The following SYTL1 variants were observed in gnomAD, a reference collection of about 807,000 sequenced individuals.
SYTL1 encodes the protein synaptotagmin like 1, also known as synaptotagmin-like protein 1.
In SYTL1, 53 loss-of-function variants were observed where a neutral mutation model predicts 74.6. That is an observed-to-expected ratio of 0.71 (90% confidence interval 0.57 to 0.89). The LOEUF is 0.89. SYTL1 is among the 40% of genes least tolerant of loss of function. The pLI is 0.00. For missense variants in SYTL1, 728 were observed against 768.7 expected (o/e 0.95, Z 0.63); for synonymous variants, 329 against 324.9 (o/e 1.01, Z -0.14).
intron 2 of SYTL1, among the ~76,000 whole-genome samples, chr1:27,346,651 A>G (rs1194524298): frequency 6.6e-6 from 1 of 152,010 alleles, no homozygotes; most frequent in East Asian, 1.9e-4. Context: ...AGTCCCAGCT[A>G]TTTAGGCAGC....
In SYTL1 at chr1:27,342,647, C is replaced by T. The variant is rs1488011510; in HGVS notation, c.-39+497C>T. 6.6e-6 allele frequency among the ~76,000 whole-genome samples: 1 copy of T among 152,218 alleles called. No homozygotes were observed. The highest frequency in any genetic ancestry group is 2.4e-5 in the African/African-American group (1 of 41,452). On this transcript the variant is annotated intron_variant, in intron 1 of 14. Transcript: ENST00000616558. This position sits in a 1 kb window ranked among gnomAD's most constrained non-coding sequence, Gnocchi z 4.7. The stretch of plus-strand genomic sequence containing the variant: ...CTGTACACACCCCACACGGCGCTGT[C>T]ACCTAGAAAGTCACTGAACACACCA...
chr1:27,351,653 C>A lies in SYTL1; in HGVS notation c.1343+98C>A. Reference sequence around the variant, plus strand: ...ACTAATCAACCTTTGATCACGCAGCCTGGGCTTTCACCACTGAGCAGGGGT... The same window carrying A: ...ACTAATCAACCTTTGATCACGCAGCATGGGCTTTCACCACTGAGCAGGGGT... On this transcript the variant is annotated intron_variant, in intron 13 of 14. Coordinates refer to ENST00000616558, the MANE Select transcript of SYTL1 (RefSeq NM_001193308.2). This position sits in a 1 kb window ranked among gnomAD's most constrained non-coding sequence, Gnocchi z 5.0. 1.2e-6 allele frequency: 1 copy of A among 813,580 alleles called. No individual in the cohort carries two copies. 50.4% of individuals were successfully genotyped at this position (813,580 alleles called of 1,614,324 possible).
rs1571026013 is a variant in SYTL1, at chr1:27,343,446, G to A, written c.-39+1296G>A. ...GGCCTCCGTGGGAGTGGGTGCGGCA[G>A]TTACCTCAGGAGAGGAAGTTGGGGG... On this transcript the variant is annotated intron_variant, in intron 1 of 14. Coordinates refer to ENST00000616558, the MANE Select transcript of SYTL1 (RefSeq NM_001193308.2). The surrounding 1 kb of genome is among the most constrained non-coding windows in gnomAD (Gnocchi z 5.2). 6.6e-6 allele frequency among the ~76,000 whole-genome samples: 1 copy of A among 152,270 alleles called. No individual in the cohort carries two copies. Among genetic ancestry groups the A allele is most frequent in the East Asian group, 1.9e-4 (1 of 5,180 alleles).
Position 27,350,320 on chromosome 1 carries a change from G to A in SYTL1, c.909-69G>A, listed in dbSNP as rs539178179. 1.3e-6 allele frequency: 2 copies of A among 1,524,166 alleles called. No homozygotes were observed. Among genetic ancestry groups the A allele is most frequent in the South Asian group, 2.2e-5 (2 of 89,342 alleles). The allele number at this position is 1,524,166 out of a possible 1,614,324, so 94.4% of individuals were successfully genotyped here. A position where few individuals can be genotyped will look rare whatever the true frequency, so the allele number is the denominator to read the frequency against. On this transcript the variant is annotated intron_variant, in intron 9 of 14. Transcript: ENST00000616558. The surrounding 1 kb of genome is among the most constrained non-coding windows in gnomAD (Gnocchi z 6.3). ...TGGCACGTGTTCGGGATGGTGGCTG[G>A]GGGAGCCCACAGGCAGGGGAGAAGG...
Position 27,345,752 on chromosome 1 carries a change from T to C in SYTL1, c.191+227T>C, listed in dbSNP as rs1020311414. Among the ~76,000 whole-genome samples the C allele has an allele frequency of 4.6e-5, 7 of 150,830 alleles. No homozygotes were observed. The highest frequency in any genetic ancestry group is 1.7e-4 in the African/African-American group (7 of 41,140). ...AGGCTTGCCTCTTGGGCCCACCTCC[T>C]GCAGCTGGTGCTCCCCAGATCTGTC... On this transcript the variant is annotated intron_variant, in intron 2 of 14. Transcript: ENST00000616558. The surrounding 1 kb of genome is among the most constrained non-coding windows in gnomAD (Gnocchi z 6.0).
At position 27,342,297 on chromosome 1, in the gene SYTL1, C is replaced by T; in HGVS notation, c.-39+147C>T. 1.0e-6 allele frequency: 1 copy of T among 983,802 alleles called. No homozygotes were observed. Among genetic ancestry groups the T allele is most frequent in the Non-Finnish European group, 1.2e-6 (1 of 828,420 alleles). The allele number at this position is 983,802 out of a possible 1,614,324, so 60.9% of individuals were successfully genotyped here. ...GAACAGCTGGACAGATGGACAGACCCTCCTCTTGACCAATGGGTCTGTCCC... is the reference window on the plus strand; with the variant it reads ...GAACAGCTGGACAGATGGACAGACCTTCCTCTTGACCAATGGGTCTGTCCC... On this transcript the variant is annotated intron_variant, in intron 1 of 14. Coordinates refer to ENST00000616558, the MANE Select transcript of SYTL1 (RefSeq NM_001193308.2). The surrounding 1 kb of genome is among the most constrained non-coding windows in gnomAD (Gnocchi z 4.7).
rs774188846 is a variant in SYTL1, at chr1:27,345,443, C to CT, written c.110dup (p.Thr38AspfsTer63). The CT allele has an allele frequency of 4.7e-5, 73 of 1,563,052 alleles. No individual in the cohort carries two copies. The highest frequency in any genetic ancestry group is 6.0e-5 in the Non-Finnish European group (69 of 1,152,868). On this transcript the variant is annotated frameshift_variant, in exon 2 of 15. Transcript: ENST00000616558. LOFTEE classifies it high-confidence loss of function. This position sits in a 1 kb window ranked among gnomAD's most constrained non-coding sequence, Gnocchi z 6.0. ...TGAAGGACTGTTGGACCTCAGCTTC[C>CT]TGACAGAGGAGGAGCAGGAGGCCAT...
rs144612781 is a variant in SYTL1 at position 27,347,586 on chromosome 1, G to C, written c.340+17G>C. The C allele has an allele frequency of 6.9e-4, 1,116 of 1,612,628 alleles. No individual in the cohort carries two copies. The highest frequency in any genetic ancestry group is 5.3e-3 in the Middle Eastern group (32 of 6,052). On this transcript the variant is annotated intron_variant, in intron 3 of 14. Coordinates refer to ENST00000616558, the MANE Select transcript of SYTL1 (RefSeq NM_001193308.2). The surrounding 1 kb of genome is among the most constrained non-coding windows in gnomAD (Gnocchi z 4.9). ...GCACCAGGGGTGAGAGGAGATCCTC[G>C]GGGCAGGGCAAGCCATGTGCCGTCC...
chr1:27,350,106 C>A lies in SYTL1; in HGVS notation c.882C>A (p.Ala294=). The stretch of plus-strand genomic sequence containing the variant: ...ACGTGATCCAGTGCCAGGGCCTGGC[C>A]GCCGCCCGGCGCCGCCGCTCGGACC... ...RVHVIQCQGL[A]AARRRRSDPY... The change falls in exon 9 of 15, where the codon GCC becomes GCA. Residue 294 remains alanine, a synonymous_variant. Coordinates refer to ENST00000616558, the MANE Select transcript of SYTL1 (RefSeq NM_001193308.2). This position sits in a 1 kb window ranked among gnomAD's most constrained non-coding sequence, Gnocchi z 6.3. 7.2e-7 allele frequency: 1 copy of A among 1,394,142 alleles called. No individual in the cohort carries two copies. Among genetic ancestry groups the A allele is most frequent in the Non-Finnish European group, 9.3e-7 (1 of 1,079,636 alleles). 86.4% of individuals were successfully genotyped at this position (1,394,142 alleles called of 1,614,324 possible).
rs758670575 is a variant in SYTL1, at chr1:27,353,325, A to G, written c.1386A>G (p.Thr462=). The change falls in exon 14 of 15, where the codon ACA becomes ACG. Residue 462 remains threonine (T), a synonymous_variant. Transcript: ENST00000616558. ...PDDSQASRQR[T]RVVRRSLSPV... The stretch of plus-strand genomic sequence containing the variant: ...ACAGCCAGGCCAGCCGCCAGCGTAC[A>G]AGGGTTGTGCGACGCAGCCTCAGCC... 6.2e-7 allele frequency: 1 copy of G among 1,608,080 alleles called. No individual in the cohort carries two copies. The highest frequency in any genetic ancestry group is 1.1e-5 in the South Asian group (1 of 89,654).
Position 27,353,345 on chromosome 1 carries a change from T to C in SYTL1, c.1406T>C (p.Leu469Pro), listed in dbSNP as rs533659686. 1.9e-5 allele frequency: 30 copies of C among 1,610,464 alleles called. No homozygotes were observed. In the Middle Eastern group the frequency reaches 6.6e-4, roughly 35 times the overall value. Residue 469 changes from leucine to proline, a missense_variant, in exon 14 of 15, where the codon CTC becomes CCC. Physicochemically the swap from Leu to Pro is moderately conservative, Grantham distance 98 (BLOSUM62 -3). Coordinates refer to ENST00000616558, the MANE Select transcript of SYTL1 (RefSeq NM_001193308.2). ...CGTACAAGGGTTGTGCGACGCAGCC[T>C]CAGCCCTGTGTTCAATCACACCATG... ...RQRTRVVRRS[L>P]SPVFNHTMVY...
At position 27,345,012 on chromosome 1, in the gene SYTL1, G is replaced by T. The variant is rs147696312; in HGVS notation, c.-38-285G>T. The T allele has an allele frequency of 9.5e-6, 2 of 210,100 alleles. No homozygotes were observed. The highest frequency in any genetic ancestry group is 4.6e-5 in the African/African-American group (2 of 43,592). 13.0% of individuals were successfully genotyped at this position (210,100 alleles called of 1,614,324 possible). On this transcript the variant is annotated intron_variant, in intron 1 of 14. Coordinates refer to ENST00000616558, the MANE Select transcript of SYTL1 (RefSeq NM_001193308.2). The surrounding 1 kb of genome is among the most constrained non-coding windows in gnomAD (Gnocchi z 6.0). ...ACCATATCTATGCCTACATGGACCC[G>T]CGTGTGCACATGTGTCTGTGTGTTC...
Position 27,351,046 on chromosome 1 carries a change from C to G in SYTL1, c.1164+94C>G. ...CCGCAGCCCCCTCACACCCCGCCTT[C>G]GACAGAACCTCCCCTCAACCTCTTA... On this transcript the variant is annotated intron_variant, in intron 11 of 14. Coordinates refer to ENST00000616558, the MANE Select transcript of SYTL1 (RefSeq NM_001193308.2). This position sits in a 1 kb window ranked among gnomAD's most constrained non-coding sequence, Gnocchi z 5.0. 6.8e-7 allele frequency: 1 copy of G among 1,464,728 alleles called. No homozygotes were observed. Among genetic ancestry groups the G allele is most frequent in the Non-Finnish European group, 9.3e-7 (1 of 1,076,078 alleles). The allele number at this position is 1,464,728 out of a possible 1,614,324, so 90.7% of individuals were successfully genotyped here.
rs747387245 is a variant in SYTL1 at position 27,347,576 on chromosome 1, G to A, written c.340+7G>A. 3 of 1,613,510 alleles carry A rather than the reference G, an allele frequency of 1.9e-6. No individual in the cohort carries two copies. The highest frequency in any genetic ancestry group is 1.7e-4 in the Middle Eastern group (1 of 6,058). On this transcript the variant is annotated splice_region_variant and intron_variant, in intron 3 of 14. Transcript: ENST00000616558. This position sits in a 1 kb window ranked among gnomAD's most constrained non-coding sequence, Gnocchi z 4.9. ...AGGAAGAAGAGCACCAGGGGTGAGA[G>A]GAGATCCTCGGGGCAGGGCAAGCCA... is the stretch of plus-strand genomic sequence containing the variant.
Position 27,351,681 on chromosome 1 carries a change from A to G in SYTL1, c.1343+126A>G. On this transcript the variant is annotated intron_variant, in intron 13 of 14. Transcript: ENST00000616558. This position sits in a 1 kb window ranked among gnomAD's most constrained non-coding sequence, Gnocchi z 5.0. ...GGCTTTCACCACTGAGCAGGGGTGA[A>G]GGGGACGGTTTGAGCAAAGGCCTGG... 1.6e-6 allele frequency: 1 copy of G among 642,652 alleles called. No individual in the cohort carries two copies. Among genetic ancestry groups the G allele is most frequent in the Non-Finnish European group, 2.6e-6 (1 of 384,360 alleles). The allele number at this position is 642,652 out of a possible 1,614,324, so 39.8% of individuals were successfully genotyped here. A position where few individuals can be genotyped will look rare whatever the true frequency, so the allele number is the denominator to read the frequency against.
In SYTL1 at chr1:27,351,548, G is replaced by C. The variant is rs1450605410; in HGVS notation, c.1336G>C (p.Val446Leu). The C allele has an allele frequency of 1.3e-6, 2 of 1,541,126 alleles. No homozygotes were observed. The highest frequency in any genetic ancestry group is 1.2e-5 in the South Asian group (1 of 83,074). Residue 446 changes from valine (V) to leucine (L), a missense_variant, in exon 13 of 15, where the codon GTA (valine) becomes CTA (leucine). Val to Leu is a conservative substitution (Grantham distance 32). Coordinates refer to ENST00000616558, the MANE Select transcript of SYTL1 (RefSeq NM_001193308.2). This position sits in a 1 kb window ranked among gnomAD's most constrained non-coding sequence, Gnocchi z 5.0. ...PLRAGSLDTY[V>L]QCFVLPDDSQ... The stretch of plus-strand genomic sequence containing the variant: ...GCGGGCAGGATCCCTGGACACTTAC[G>C]TACAATGGTGAGGAGTGCTGGCCCT...
intron 6 of SYTL1, 49 bp from the exon 7 acceptor site, chr1:27,349,349 T>TAGGGGAGGGC (rs1276969352): frequency 4.1e-6 from 6 of 1,446,134 alleles, no homozygotes; most frequent in Non-Finnish European, 5.5e-6. Context: ...CAAATTTGCT[T>TAGGGGAGGGC]AGGGGAGGGC....
Position 27,347,582 on chromosome 1 carries a change from CCTCGGGGCAG to C in SYTL1, c.340+14_340+23del. 2 of 1,613,048 alleles carry C rather than the reference CCTCGGGGCAG, an allele frequency of 1.2e-6. No homozygotes were observed. The highest frequency in any genetic ancestry group is 2.2e-5 in the South Asian group (2 of 90,982). ...AAGAGCACCAGGGGTGAGAGGAGAT[CCTCGGGGCAG>C]GGCAAGCCATGTGCCGTCCAGGGCG... On this transcript the variant is annotated intron_variant, in intron 3 of 14. Coordinates refer to ENST00000616558, the MANE Select transcript of SYTL1 (RefSeq NM_001193308.2). This position sits in a 1 kb window ranked among gnomAD's most constrained non-coding sequence, Gnocchi z 4.9.
intron 2 of SYTL1, among the ~76,000 whole-genome samples, chr1:27,346,565 C>A (rs2015011908): frequency 6.6e-6 from 1 of 152,028 alleles, no homozygotes; most frequent in Non-Finnish European, 1.5e-5. Context: ...GAATTCAAGA[C>A]CAGCCTGGAC....
Sources: gnomAD v4.1 joint callset for allele counts (sites outside exome capture counted in the v4.1 genomes callset) on GRCh38, gnomAD v4.1.1 for gene constraint, Gnocchi (gnomAD v3.1) non-coding constraint, MANE v1.5 for transcripts, NCBI Gene and HGNC (gene_info 2026-07-23, HGNC 2026-07-21) for gene names.